The following BLTP1 variants were observed in gnomAD, a reference collection of about 807,000 sequenced individuals.
The protein encoded by BLTP1 is bridge-like lipid transfer protein family member 1.
chr4:122,301,003 A>G, the BLTP1 span: 2 of 982,714 alleles, frequency 2.0e-6, no homozygotes, highest in African/African-American at 3.5e-5. Context: ...TGAAGAAATT[A>G]GTCCAGTTTA....
the BLTP1 span, chr4:122,362,115 T>A: frequency 1.2e-6 from 2 of 1,613,674 alleles, no homozygotes; most frequent in Non-Finnish European, 1.7e-6. Flanking sequence ...ATGCTAGGAC[T>A]ACTATTCCTA....
At chr4:122,157,409 C>G in the BLTP1 span, among the ~76,000 whole-genome samples, 1 of 152,012 alleles carries the variant, frequency 6.6e-6, no homozygotes, top group African/African-American at 2.4e-5. Context: ...GTGCACCTGA[C>G]AGGGGTGGGG....
At chr4:122,264,100 C>A in the BLTP1 span, 1 of 1,219,364 alleles carries the variant, frequency 8.2e-7, no homozygotes, top group Non-Finnish European at 1.0e-6. Flanking sequence ...GTAAAATAAC[C>A]TAAAAGTATG....
At chr4:122,351,226 G>C in the BLTP1 span, 1 of 841,708 alleles carries the variant, frequency 1.2e-6, no homozygotes, top group Non-Finnish European at 1.4e-6. Flanking sequence ...TATTATCACA[G>C]AAGTAATACG....
At chr4:122,271,746 T>A in the BLTP1 span, 1 of 1,469,860 alleles carries the variant, frequency 6.8e-7, no homozygotes. Context: ...TTTTATGTTT[T>A]AAAAATTTCC....
the BLTP1 span, chr4:122,250,527 C>T: frequency 6.2e-7 from 1 of 1,613,756 alleles, no homozygotes. Context: ...TGTGACCGGA[C>T]AAGCCCTTCC....
At chr4:122,290,971 T>TTG in the BLTP1 span, 1 of 875,366 alleles carries the variant, frequency 1.1e-6, no homozygotes, top group Non-Finnish European at 1.4e-6. Flanking sequence ...AAAACAAGTG[T>TTG]TGTGGAGTTC....
At chr4:122,208,048 T>C in the BLTP1 span, 1 of 985,280 alleles carries the variant, frequency 1.0e-6, no homozygotes, top group Non-Finnish European at 1.2e-6. Context: ...TCTTATGTAC[T>C]TCTAAGCTCA....
chr4:122,272,591 C>T, the BLTP1 span, among the ~76,000 whole-genome samples: 2 of 151,892 alleles, frequency 1.3e-5, no homozygotes, highest in East Asian at 1.9e-4. Flanking sequence ...TGAATTGAGG[C>T]AGCTTTGATG....
the BLTP1 span, among the ~76,000 whole-genome samples, chr4:122,283,292 C>T: frequency 6.6e-6 from 1 of 151,072 alleles, no homozygotes; most frequent in Non-Finnish European, 1.5e-5. Context: ...TGTATATAAC[C>T]AATGATCTCA....
the BLTP1 span, among the ~76,000 whole-genome samples, chr4:122,268,197 G>C: frequency 6.6e-6 from 1 of 152,008 alleles, no homozygotes; most frequent in African/African-American, 2.4e-5. Flanking sequence ...ATAAAAAAAA[G>C]TAAAACTAAT....
At chr4:122,243,113 A>G in the BLTP1 span, 4 of 1,550,984 alleles carry the variant, frequency 2.6e-6, no homozygotes, top group Non-Finnish European at 3.6e-6. Context: ...CTTGATTATG[A>G]GATGGGTAGA....
the BLTP1 span, chr4:122,306,489 T>C: frequency 1.2e-6 from 1 of 814,426 alleles, no homozygotes; most frequent in South Asian, 5.6e-5. Context: ...GAGTCAGAGA[T>C]GTGTTCTTGG....
At chr4:122,180,252 A>G in the BLTP1 span, 3 of 867,934 alleles carry the variant, frequency 3.5e-6, no homozygotes, top group African/African-American at 3.7e-5. Context: ...TTTTTCATCT[A>G]TAAAATGAGA....
chr4:122,317,161 G>C, the BLTP1 span, among the ~76,000 whole-genome samples: 1 of 151,978 alleles, frequency 6.6e-6, no homozygotes. Flanking sequence ...GTGAAACCCT[G>C]TCTCTACTAA....
the BLTP1 span, among the ~76,000 whole-genome samples, chr4:122,201,439 C>G: frequency 1.9e-3 from 284 of 152,202 alleles, 3 homozygotes; most frequent in Middle Eastern, 6.8e-3. Context: ...TCTCTCTTCC[C>G]AAATTAGGCA....
At chr4:122,163,007 G>A in the BLTP1 span, among the ~76,000 whole-genome samples, 6 of 152,224 alleles carry the variant, frequency 3.9e-5, no homozygotes, top group Middle Eastern at 3.4e-3. Context: ...AATATTGTGC[G>A]CCTTCAGTCA....
At chr4:122,270,894 T>C in the BLTP1 span, 1 of 1,305,248 alleles carries the variant, frequency 7.7e-7, no homozygotes, top group South Asian at 1.6e-5. Flanking sequence ...CTGGTTTGCT[T>C]GCTTAAAATT....
At chr4:122,237,426 T>C in the BLTP1 span, 1 of 868,614 alleles carries the variant, frequency 1.2e-6, no homozygotes, top group East Asian at 1.2e-4. Flanking sequence ...GTATGAGGCA[T>C]TATTCTAGGC....
Sources: gnomAD v4.1 joint callset for allele counts (sites outside exome capture counted in the v4.1 genomes callset) on GRCh38, gnomAD v4.1.1 for gene constraint, MANE v1.5 for transcripts, NCBI Gene and HGNC (gene_info 2026-07-23, HGNC 2026-07-21) for gene names.